The following DMD variants were observed in gnomAD, a reference collection of about 807,000 sequenced individuals.
The protein encoded by DMD is dystrophin, also known as mutant dystrophin.
Under a neutral mutation model 330.1 loss-of-function variants are expected in DMD, and 63 were observed. The ratio of observed to expected loss-of-function variants is 0.19; its 90% CI spans 0.16 to 0.24. The LOEUF (loss-of-function observed/expected upper bound fraction) is 0.24. Ranked by LOEUF, DMD falls within the 10% of genes least tolerant of loss-of-function variation. The probability of loss-of-function intolerance (pLI) is 1.00; values close to 1 mark genes in which losing one functional copy is unlikely to be tolerated. For missense variants in DMD, 3,344 were observed against 2,684.1 expected, an observed-to-expected ratio of 1.25 and a Z score of -5.43; for synonymous variants, 1,223 against 959.8, an observed-to-expected ratio of 1.27 and a Z score of -5.07.
intron 2 of DMD, among the ~76,000 whole-genome samples, chrX:32,956,465 T>C (rs1024276378): frequency 9.9e-5 from 11 of 111,551 alleles, no homozygotes; most frequent in Non-Finnish European, 1.7e-4. Context: ...TTTCTCCCTG[T>C]TGCACTGCAT....
intron 1 of DMD, among the ~76,000 whole-genome samples, chrX:33,121,365 G>T (rs1256405356): frequency 9.1e-6 from 1 of 109,749 alleles, no homozygotes; most frequent in African/African-American, 3.3e-5. Flanking sequence ...CTAGTAGCTG[G>T]GACTACAGGC....
chrX:32,484,960 A>C lies in DMD; in HGVS notation c.2762T>G (p.Val921Gly), dbSNP rs779873011. Residue 921 changes from valine to glycine, a missense_variant, in exon 21 of 79, where the codon GTC becomes GGC. Transcript: ENST00000357033. ...CTCTCTGGCCTGCACATCAGAAAAG[A>C]CTTGCTTAAAATGATTTGTAAAGGC... Reference protein sequence around the residue: ...FVAFTNHFKQVFSDVQAREKE... With the variant: ...FVAFTNHFKQGFSDVQAREKE... The C allele has an allele frequency of 8.3e-7, 1 of 1,211,526 alleles. No individual in the cohort carries two copies. The highest frequency in any genetic ancestry group is 2.3e-4 in the Middle Eastern group (1 of 4,353).
chrX:31,642,595 GTCATTTCCTTAT>G (rs1459761135), intron 54 of DMD, among the ~76,000 whole-genome samples: 2 of 111,534 alleles, frequency 1.8e-5, no homozygotes, highest in Non-Finnish European at 3.8e-5. Context: ...GAACAATTTG[GTCATTTCCTTAT>G]TCATTTCCTT....
chrX:33,284,840 A>G (rs1306025816), intron 1 of DMD, among the ~76,000 whole-genome samples: 1 of 106,530 alleles, frequency 9.4e-6, no homozygotes, highest in Non-Finnish European at 1.9e-5. Flanking sequence ...AGTAACAACA[A>G]AACTGTGAGA....
intron 1 of DMD, among the ~76,000 whole-genome samples, chrX:33,326,661 T>C (rs2054093822): frequency 8.9e-6 from 1 of 112,021 alleles, no homozygotes; most frequent in South Asian, 3.7e-4. Context: ...TTATTTGAAT[T>C]ATAATCTATA....
chrX:31,121,880 T>A lies in DMD; in HGVS notation c.*39A>T, dbSNP rs371730838. The A allele has an allele frequency of 5.0e-6, 6 of 1,208,085 alleles. No homozygotes were observed. The East Asian group carries it at 1.5e-4, about 30-fold the overall frequency. On this transcript the variant is annotated 3_prime_UTR_variant, in exon 79 of 79. Transcript: ENST00000357033. ...GTCATGACTGATACTAAGGACTCCA[T>A]CGCTCTGCCCAAATCATCTGCCATG...
chrX:31,886,969 C>G (rs1326260215), intron 47 of DMD, among the ~76,000 whole-genome samples: 1 of 111,580 alleles, frequency 9.0e-6, no homozygotes, highest in Non-Finnish European at 1.9e-5. Context: ...TCAACAACAT[C>G]TAATAACAAC....
chrX:32,489,765 A>T (rs1215164225), intron 20 of DMD, among the ~76,000 whole-genome samples: 1 of 112,000 alleles, frequency 8.9e-6, no homozygotes, highest in African/African-American at 3.2e-5. Context: ...AATCTCAAGA[A>T]TCGGATAAGG....
intron 60 of DMD, among the ~76,000 whole-genome samples, chrX:31,377,900 G>A (rs1445499782): frequency 1.8e-5 from 2 of 111,030 alleles, no homozygotes; most frequent in African/African-American, 6.6e-5. Context: ...CTTAACTGAT[G>A]ACATTACCTT....
At chrX:31,167,517 A>G (rs1428533476) in intron 74 of DMD, among the ~76,000 whole-genome samples, 1 of 111,584 alleles carries the variant, frequency 9.0e-6, no homozygotes, top group Non-Finnish European at 1.9e-5. Flanking sequence ...TCAAAAATAT[A>G]TTTACTCCTT....
chrX:32,194,082 A>T (rs762199391), intron 44 of DMD, among the ~76,000 whole-genome samples: 1 of 112,550 alleles, frequency 8.9e-6, no homozygotes, highest in Non-Finnish European at 1.9e-5. Context: ...TATCTCCAAT[A>T]ACCTTAACTA....
intron 52 of DMD, among the ~76,000 whole-genome samples, chrX:31,682,714 C>T (rs73210126): frequency 0.067 from 7,444 of 111,736 alleles, 229 homozygotes; most frequent in Non-Finnish European, 0.096. Flanking sequence ...AATTTGCCTT[C>T]GCTTTCGTTA....
chrX:32,131,287 T>A (rs930405944), intron 44 of DMD, among the ~76,000 whole-genome samples: 1 of 112,607 alleles, frequency 8.9e-6, no homozygotes, highest in African/African-American at 3.2e-5. Flanking sequence ...TGCTTCTGAT[T>A]CATTCCTGTA....
chrX:33,018,345 A>T (rs992130751), intron 2 of DMD, among the ~76,000 whole-genome samples: 3 of 111,652 alleles, frequency 2.7e-5, no homozygotes, highest in African/African-American at 9.7e-5. Context: ...GAAAACAATA[A>T]ATGTGCTCAT....
In DMD at chrX:31,507,338, C is replaced by T. The variant is rs2071050854; in HGVS notation, c.8333G>A (p.Arg2778His). ...CCACTTGAAGTTCATGTTATCCAAACGTCTTTGTAACAGGACTGCATCATC... is the reference window on the plus strand; with the variant it reads ...CCACTTGAAGTTCATGTTATCCAAATGTCTTTGTAACAGGACTGCATCATC... ...GSDDAVLLQR[R>H]LDNMNFKWSE... The change falls in exon 56 of 79, where the codon CGT becomes CAT. Residue 2778 changes from arginine (R) to histidine (H), a missense_variant. Arg to His is a conservative substitution (Grantham distance 29, BLOSUM62 0). Transcript: ENST00000357033. 8 of 1,211,626 alleles carry T rather than the reference C, an allele frequency of 6.6e-6. No homozygotes were observed. The highest frequency in any genetic ancestry group is 3.0e-5 in the East Asian group (1 of 33,825).
At chrX:32,516,741 C>A (rs1197748646) in intron 18 of DMD, 1 of 111,109 alleles carries the variant, frequency 9.0e-6, no homozygotes, top group Admixed American at 9.6e-5. Flanking sequence ...AAGAGAATTT[C>A]CCTCAAAAAT....
At chrX:32,617,997 T>C (rs1373320796) in intron 11 of DMD, among the ~76,000 whole-genome samples, 2 of 111,447 alleles carry the variant, frequency 1.8e-5, no homozygotes, top group South Asian at 3.7e-4. Context: ...ATCTGGGAAA[T>C]GCAAATTAAA....
At chrX:32,253,211 T>C (rs1269263165) in intron 43 of DMD, among the ~76,000 whole-genome samples, 1 of 108,986 alleles carries the variant, frequency 9.2e-6, no homozygotes, top group Admixed American at 1.0e-4. Context: ...AGTATTTAAA[T>C]GAAAAAATTG....
chrX:31,659,682 G>A (rs922336344), intron 53 of DMD, among the ~76,000 whole-genome samples: 4 of 100,215 alleles, frequency 4.0e-5, no homozygotes, highest in Non-Finnish European at 6.0e-5. Flanking sequence ...AAACAATGTC[G>A]ATGTTTAATG....
Sources: allele counts gnomAD v4.1 joint callset (sites outside exome capture counted in the v4.1 genomes callset), GRCh38; gene constraint gnomAD v4.1.1; transcripts MANE v1.5; gene names NCBI Gene and HGNC (gene_info 2026-07-23, HGNC 2026-07-21).